Variants in GET4 observed in about 807,000 individuals in gnomAD.
GET4 encodes guided entry of tail-anchored proteins factor 4, also known as Golgi to ER traffic protein 4 homolog.
A neutral mutation model predicts 40.0 loss-of-function variants in GET4; 20 were observed. The observed-to-expected ratio is 0.50, with a 90% CI of 0.35 to 0.73. The LOEUF is 0.73. Ranked by LOEUF, GET4 falls within the 30% of genes least tolerant of loss-of-function variation. The pLI, the probability that GET4 is intolerant of heterozygous loss-of-function variation, is 0.01. For synonymous variants in GET4, 280 were observed against 194.6 expected, an observed-to-expected ratio of 1.44 and a Z score of -3.65; for missense variants, 557 against 454.0, an observed-to-expected ratio of 1.23 and a Z score of -2.06.
At position 892,872 on chromosome 7, in the gene GET4, T is replaced by C. The variant is rs575291964; in HGVS notation, c.746+454T>C. 9.3e-5 allele frequency among the ~76,000 whole-genome samples: 14 copies of C among 150,698 alleles called. No homozygotes were observed. The East Asian group carries it at 2.2e-3, about 23-fold the overall frequency. ...TGGGTAGTTGGGGTGCGTGCAGGTA[T>C]GTGTGTTGTGTGTAGACGTGTGGGT... On this transcript the variant is annotated intron_variant, in intron 6 of 8. Coordinates refer to ENST00000265857, the MANE Select transcript of GET4 (RefSeq NM_015949.3).
intron 5 of GET4, among the ~76,000 whole-genome samples, chr7:891,804 C>G (rs185916181): frequency 3.9e-4 from 60 of 152,402 alleles, no homozygotes; most frequent in Admixed American, 3.2e-3. Context: ...CCAGAGCTCC[C>G]TGGCTCTGCG....
chr7:877,416 C>T (rs1332554958), intron 1 of GET4, among the ~76,000 whole-genome samples: 1 of 121,788 alleles, frequency 8.2e-6, no homozygotes, highest in African/African-American at 3.3e-5. Flanking sequence ...CTCTCTCTCC[C>T]CGGCCTCCCC....
chr7:893,883 T>C lies in GET4; in HGVS notation c.823-16T>C, dbSNP rs975211209. The C allele has an allele frequency of 5.0e-6, 8 of 1,612,426 alleles. No homozygotes were observed. The highest frequency in any genetic ancestry group is 6.8e-6 in the Non-Finnish European group (8 of 1,179,108). On this transcript the variant is annotated splice_polypyrimidine_tract_variant and intron_variant, in intron 7 of 8. Transcript: ENST00000265857. ...CTGGGTCCACCCCCTCTGAGCCCGC[T>C]GCCTGTGCCTTGCAGTACCTCGACC...
intron 6 of GET4, 68 bp from the exon 7 acceptor site, chr7:893,672 G>A: frequency 1.9e-6 from 2 of 1,039,142 alleles, no homozygotes; most frequent in Non-Finnish European, 3.0e-6. Context: ...CGCAGGCGCG[G>A]TGGTTTGTGC....
chr7:891,705 G>A (rs1315662226), intron 5 of GET4, among the ~76,000 whole-genome samples: 2 of 152,268 alleles, frequency 1.3e-5, no homozygotes, highest in African/African-American at 4.8e-5. Flanking sequence ...TAGGATTTGG[G>A]GACAGACATC....
intron 1 of GET4, among the ~76,000 whole-genome samples, chr7:879,467 A>G (rs1388047872): frequency 1.3e-5 from 2 of 152,246 alleles, no homozygotes; most frequent in Non-Finnish European, 2.9e-5. Context: ...AGGTCCTGGC[A>G]TCTGTGTTTA....
Position 895,401 on chromosome 7 carries a change from C to T in GET4, c.963C>T (p.Gly321=), listed in dbSNP as rs61997237. The T allele has an allele frequency of 6.3e-4, 993 of 1,586,998 alleles. 9 individuals carry two copies. The African/African-American group carries it at 0.011, about 18-fold the overall frequency. The change falls in exon 9 of 9, where the codon GGC becomes GGT. Residue 321 remains glycine, a synonymous_variant. Transcript: ENST00000265857. ...QEDGEESPSD[G]SPIELD ...ATGGGGAGGAGAGCCCCAGCGACGG[C>T]AGCCCCATCGAGCTGGACTGAACTG...
At chr7:878,471 C>G (rs1844014448) in intron 1 of GET4, 1 of 438,070 alleles carries the variant, frequency 2.3e-6, no homozygotes, top group Non-Finnish European at 4.8e-6. Context: ...ACCTTCTAAA[C>G]TGCCACAGGG....
At position 878,001 on chromosome 7, in the gene GET4, C is replaced by G. The variant is rs527539409; in HGVS notation, c.155+1201C>G. On this transcript the variant is annotated intron_variant, in intron 1 of 8. Transcript: ENST00000265857. ...TGGCCTTCAGGTTCTCCAGCCGGGC[C>G]CTACACCGGGCTCCGTAGGAAGTCG... The G allele has an allele frequency of 2.1e-5, 5 of 239,580 alleles. No homozygotes were observed. In the Admixed American group the frequency reaches 2.3e-4, roughly 11 times the overall value. 14.8% of individuals were successfully genotyped at this position (239,580 alleles called of 1,614,324 possible).
chr7:887,420 G>C lies in GET4; in HGVS notation c.367G>C (p.Val123Leu). The C allele has an allele frequency of 6.2e-7, 1 of 1,604,228 alleles. No homozygotes were observed. Among genetic ancestry groups the C allele is most frequent in the Non-Finnish European group, 8.5e-7 (1 of 1,174,226 alleles). ...SLMDPNSPER[V>L]TFVSRALKWS... ...GATGGACCCCAACTCTCCTGAGCGC[G>C]TGACCTTTGTGTCCAGAGCCCTGAA... Residue 123 changes from valine to leucine, a missense_variant, in exon 4 of 9, where the codon GTG becomes CTG. By Grantham distance (32) the Val-to-Leu change is conservative. Coordinates refer to ENST00000265857, the MANE Select transcript of GET4 (RefSeq NM_015949.3).
At chr7:884,136 A>G (rs1844140531) in intron 1 of GET4, 1 of 1,242,976 alleles carries the variant, frequency 8.0e-7, no homozygotes, top group Admixed American at 2.7e-5. Context: ...TACCTCAGAT[A>G]GAAGCATCCA....
chr7:893,939 C>T lies in GET4; in HGVS notation c.863C>T (p.Pro288Leu), dbSNP rs1844405292. The T allele has an allele frequency of 1.1e-5, 17 of 1,607,488 alleles. No individual in the cohort carries two copies. Among genetic ancestry groups the T allele is most frequent in the Middle Eastern group, 1.7e-4 (1 of 5,724 alleles). The change falls in exon 8 of 9, where the codon CCC becomes CTC. Residue 288 changes from proline (P) to leucine (L), a missense_variant. Pro to Leu is a moderately conservative substitution (Grantham distance 98). Coordinates refer to ENST00000265857, the MANE Select transcript of GET4 (RefSeq NM_015949.3). ...GGACAGCTGTTCTTCGGCGTCCCGC[C>T]CAAGCAGACGTCTTCCTACGGGGGC... ...RIGQLFFGVP[P>L]KQTSSYGGLL...
chr7:886,832 C>T (rs771524606), intron 3 of GET4, among the ~76,000 whole-genome samples, 182 bp downstream of exon 3: 3 of 152,226 alleles, frequency 2.0e-5, no homozygotes, highest in Non-Finnish European at 4.4e-5. Context: ...GACCCTGGCG[C>T]GAGCACACGG....
At chr7:885,758 T>C (rs994354403) in intron 1 of GET4, 2 of 386,286 alleles carry the variant, frequency 5.2e-6, no homozygotes, top group Non-Finnish European at 9.5e-6. Flanking sequence ...CCAGTGGCCT[T>C]TCTGGTCCCA....
rs527364167 is a variant in GET4, at chr7:890,295, CG to C, written c.467-629del. Among the ~76,000 whole-genome samples, 6 of 23,760 alleles carry C rather than the reference CG, an allele frequency of 2.5e-4. 3 individuals carry two copies. Among genetic ancestry groups the C allele is most frequent in the Non-Finnish European group, 3.0e-4 (4 of 13,384 alleles). The allele number at this position is 23,760 out of a possible 152,430, so 15.6% of individuals were successfully genotyped here. On this transcript the variant is annotated intron_variant, in intron 4 of 8. Transcript: ENST00000265857. ...GAGGGAGCGTGAGCGGGTGTCAGGA[CG>C]GGGTCTGGGAGTGGAGGGAGCGCGA... is the stretch of plus-strand genomic sequence containing the variant.
At chr7:877,249 C>T (rs983818506) in intron 1 of GET4, among the ~76,000 whole-genome samples, 1 of 150,582 alleles carries the variant, frequency 6.6e-6, no homozygotes. Flanking sequence ...CTTTGCGTCT[C>T]TCTCCCCGGC....
At chr7:890,551 C>G (rs1030205312) in intron 4 of GET4, among the ~76,000 whole-genome samples, 1 of 152,010 alleles carries the variant, frequency 6.6e-6, no homozygotes, top group Admixed American at 6.5e-5. Context: ...TGATCTACAT[C>G]CGAGGTGCAC....
chr7:890,300 T>C lies in GET4; in HGVS notation c.467-628T>C, dbSNP rs370433069. 3.0e-4 allele frequency among the ~76,000 whole-genome samples: 6 copies of C among 20,106 alleles called. 3 individuals are homozygous for C. The highest frequency in any genetic ancestry group is 3.5e-4 in the Non-Finnish European group (4 of 11,300). 13.2% of individuals were successfully genotyped at this position (20,106 alleles called of 152,430 possible). ...AGCGTGAGCGGGTGTCAGGACGGGG[T>C]CTGGGAGTGGAGGGAGCGCGAGCGG... On this transcript the variant is annotated intron_variant, in intron 4 of 8. Coordinates refer to ENST00000265857, the MANE Select transcript of GET4 (RefSeq NM_015949.3).
chr7:877,202 G>GCT lies in GET4; in HGVS notation c.155+421_155+422dup, dbSNP rs145879127. On this transcript the variant is annotated intron_variant, in intron 1 of 8. Coordinates refer to ENST00000265857, the MANE Select transcript of GET4 (RefSeq NM_015949.3). Reference sequence around the variant, plus strand: ...GCCTCCCCCGCCCCACCTTGGTCTCGCTCTCTCTCTCTCTCTCTCTGGCCT... The same window carrying GCT: ...GCCTCCCCCGCCCCACCTTGGTCTCGCTCTCTCTCTCTCTCTCTCTCTGGCCT... 6.9e-4 allele frequency among the ~76,000 whole-genome samples: 90 copies of GCT among 130,608 alleles called. No homozygotes were observed. In the Middle Eastern group the frequency reaches 0.016, roughly 23 times the overall value. The allele number at this position is 130,608 out of a possible 152,430, so 85.7% of individuals were successfully genotyped here. A position where few individuals can be genotyped will look rare whatever the true frequency, so the allele number is the denominator to read the frequency against.
Sources: gnomAD v4.1 joint callset for allele counts (sites outside exome capture counted in the v4.1 genomes callset) on GRCh38, gnomAD v4.1.1 for gene constraint, MANE v1.5 for transcripts, NCBI Gene and HGNC (gene_info 2026-07-23, HGNC 2026-07-21) for gene names.